Variants in PLCL2 observed in about 807,000 individuals in gnomAD.
PLCL2 encodes the protein phospholipase C like 2.
Under a neutral mutation model 79.6 loss-of-function variants are expected in PLCL2, and 4 were observed. That is an observed-to-expected ratio of 0.05 (90% CI 0.02 to 0.11). The LOEUF is 0.11. Ranked by LOEUF, PLCL2 falls within the 10% of genes least tolerant of loss-of-function variation. The probability of loss-of-function intolerance (pLI) is 1.00; values close to 1 mark genes in which losing one functional copy is unlikely to be tolerated. For synonymous variants in PLCL2, 484 were observed against 457.7 expected (o/e 1.06, Z -0.73); for missense variants, 895 against 1,291.0 (o/e 0.69, Z 4.70).
chr3:16,954,378 A>C (rs1309632326), intron 1 of PLCL2, among the ~76,000 whole-genome samples: 1 of 152,220 alleles, frequency 6.6e-6, no homozygotes, highest in Non-Finnish European at 1.5e-5. Context: ...ATGGCTGCAT[A>C]GTATTCCATG....
chr3:16,933,958 T>C (rs151318788), intron 1 of PLCL2, among the ~76,000 whole-genome samples: 14 of 152,040 alleles, frequency 9.2e-5, no homozygotes, highest in African/African-American at 3.1e-4. Context: ...TCCCAGCTAC[T>C]CAGGAGGCGG....
intron 5 of PLCL2, among the ~76,000 whole-genome samples, chr3:17,079,469 A>G (rs943196917): frequency 1.3e-5 from 2 of 152,212 alleles, no homozygotes; most frequent in Non-Finnish European, 2.9e-5. Context: ...AGATGTAGTC[A>G]GTCAGAACCT....
At chr3:16,962,286 T>C (rs1200108759) in intron 1 of PLCL2, among the ~76,000 whole-genome samples, 3 of 152,162 alleles carry the variant, frequency 2.0e-5, no homozygotes, top group Non-Finnish European at 4.4e-5. Flanking sequence ...AGCAGAGATA[T>C]ACTGATAACT....
At chr3:16,993,444 A>G (rs1359349063) in intron 1 of PLCL2, among the ~76,000 whole-genome samples, 1 of 152,134 alleles carries the variant, frequency 6.6e-6, no homozygotes, top group Admixed American at 6.6e-5. Flanking sequence ...TCTCCTCTCT[A>G]AGTAGCTTGA....
chr3:16,935,721 T>C (rs1697522824), intron 1 of PLCL2, among the ~76,000 whole-genome samples: 1 of 152,178 alleles, frequency 6.6e-6, no homozygotes, highest in Admixed American at 6.5e-5. Flanking sequence ...TATATGTTGA[T>C]AGATTATAGA....
At chr3:16,951,091 G>A (rs2063647270) in intron 1 of PLCL2, among the ~76,000 whole-genome samples, 1 of 152,062 alleles carries the variant, frequency 6.6e-6, no homozygotes, top group African/African-American at 2.4e-5. Flanking sequence ...GAAACCCTGT[G>A]CTAGACTCAA....
intron 1 of PLCL2, among the ~76,000 whole-genome samples, chr3:16,969,302 G>C (rs2063835283): frequency 6.6e-6 from 1 of 152,110 alleles, no homozygotes; most frequent in Non-Finnish European, 1.5e-5. Flanking sequence ...TTTTGTAATA[G>C]TTTCAGTAGA....
intron 4 of PLCL2, among the ~76,000 whole-genome samples, chr3:17,064,176 C>T (rs2124940496): frequency 6.6e-6 from 1 of 152,302 alleles, no homozygotes; most frequent in African/African-American, 2.4e-5. Context: ...ACTGTGAAGA[C>T]CTCCTGTGAC....
intron 3 of PLCL2, among the ~76,000 whole-genome samples, chr3:17,032,314 T>A (rs1370297255): frequency 6.6e-6 from 1 of 152,152 alleles, no homozygotes; most frequent in Non-Finnish European, 1.5e-5. Context: ...AGTGAATGCC[T>A]TTTAAATCTA....
chr3:16,956,013 C>G (rs988131127), intron 1 of PLCL2, among the ~76,000 whole-genome samples: 1 of 152,086 alleles, frequency 6.6e-6, no homozygotes, highest in Admixed American at 6.5e-5. Context: ...AATTGAATAC[C>G]CTTGATTTCC....
In PLCL2 at chr3:17,011,073, G is replaced by T; in HGVS notation, c.1727G>T (p.Cys576Phe). Residue 576 changes from cysteine (C) to phenylalanine (F), a missense_variant, in exon 2 of 6, where the codon TGC (cysteine) becomes TTC (phenylalanine). Physicochemically the swap from Cys to Phe is radical, Grantham distance 205 (BLOSUM62 -2). Coordinates refer to ENST00000615277, the MANE Select transcript of PLCL2 (RefSeq NM_001144382.2). The surrounding 1 kb of genome is among the most constrained non-coding windows in gnomAD (Gnocchi z 7.9). ...LIKAKKLSSNCSGVEGDVTDE... is the reference protein window; with the variant it reads ...LIKAKKLSSNFSGVEGDVTDE... Reference sequence around the variant, plus strand: ...AAAGCAAAGAAGCTGTCCTCAAATTGCTCTGGGGTAGAAGGAGATGTTACT... The same window carrying T: ...AAAGCAAAGAAGCTGTCCTCAAATTTCTCTGGGGTAGAAGGAGATGTTACT... 2 of 1,614,074 alleles carry T rather than the reference G, an allele frequency of 1.2e-6. No homozygotes were observed. The highest frequency in any genetic ancestry group is 1.1e-5 in the South Asian group (1 of 91,082).
At chr3:17,036,462 C>G (rs1017050770) in intron 3 of PLCL2, among the ~76,000 whole-genome samples, 1 of 152,138 alleles carries the variant, frequency 6.6e-6, no homozygotes, top group African/African-American at 2.4e-5. Flanking sequence ...AGTCTCAAAT[C>G]CCGATGTTTT....
Position 16,979,840 on chromosome 3 carries a change from A to G in PLCL2, c.328-29834A>G, listed in dbSNP as rs532413717. ...CCATTGTCATCATGGCCCGTTCTCA[A>G]TGAGCTGTTGGGTACACCTCCCAGA... On this transcript the variant is annotated intron_variant, in intron 1 of 5. Coordinates refer to ENST00000615277, the MANE Select transcript of PLCL2 (RefSeq NM_001144382.2). Among the ~76,000 whole-genome samples the G allele has an allele frequency of 5.3e-4, 80 of 149,722 alleles. 1 individual carries two copies. The South Asian group carries it at 0.017, about 32-fold the overall frequency.
At chr3:17,064,928 C>CAAAA (rs1395020243) in intron 4 of PLCL2, among the ~76,000 whole-genome samples, 1 of 57,158 alleles carries the variant, frequency 1.7e-5, no homozygotes, top group Non-Finnish European at 3.6e-5. Flanking sequence ...GACTCTGTCT[C>CAAAA]AAAAAAAAAA....
chr3:16,972,304 C>G (rs529678003), intron 1 of PLCL2, among the ~76,000 whole-genome samples: 1 of 152,280 alleles, frequency 6.6e-6, no homozygotes, highest in South Asian at 2.1e-4. Flanking sequence ...CCAAAATCTC[C>G]TTAAGCTGAT....
chr3:16,896,225 G>A (rs1193508754), intron 1 of PLCL2, among the ~76,000 whole-genome samples: 1 of 152,162 alleles, frequency 6.6e-6, no homozygotes, highest in East Asian at 1.9e-4. Context: ...GGATCAGCAT[G>A]TGAAACATTT....
chr3:17,069,039 G>A (rs1283261571), intron 5 of PLCL2, among the ~76,000 whole-genome samples: 1 of 152,156 alleles, frequency 6.6e-6, no homozygotes, highest in Non-Finnish European at 1.5e-5. Context: ...AAAACGACCT[G>A]ACAATTGACA....
chr3:17,019,123 C>G (rs935450287), intron 3 of PLCL2, among the ~76,000 whole-genome samples: 1 of 152,236 alleles, frequency 6.6e-6, no homozygotes, highest in Admixed American at 6.5e-5. Context: ...AGTGAAACAT[C>G]GGCCTTGAAC....
rs183940038 is a variant in PLCL2, at chr3:17,070,552, G to T, written c.3204+2487G>T. 2.2e-3 allele frequency among the ~76,000 whole-genome samples: 340 copies of T among 152,198 alleles called. 2 individuals are homozygous for T. The highest frequency in any genetic ancestry group is 7.9e-3 in the African/African-American group (327 of 41,524). Reference sequence around the variant, plus strand: ...TTAAGGATGGTAGAATGTAAGTGAGGCATGAGGAAGAATTGGAAAGATCTG... The same window carrying T: ...TTAAGGATGGTAGAATGTAAGTGAGTCATGAGGAAGAATTGGAAAGATCTG... On this transcript the variant is annotated intron_variant, in intron 5 of 5. Coordinates refer to ENST00000615277, the MANE Select transcript of PLCL2 (RefSeq NM_001144382.2).
Sources: allele counts gnomAD v4.1 joint callset (sites outside exome capture counted in the v4.1 genomes callset), GRCh38; gene constraint gnomAD v4.1.1; non-coding constraint Gnocchi (gnomAD v3.1); transcripts MANE v1.5; gene names NCBI Gene and HGNC (gene_info 2026-07-23, HGNC 2026-07-21).